Variants in C14orf93 observed in about 807,000 individuals in gnomAD.
The protein encoded by C14orf93 is uncharacterized protein C14orf93.
Under a neutral mutation model 44.0 loss-of-function variants are expected in C14orf93, and 23 were observed. The ratio of observed to expected loss-of-function variants is 0.52; its 90% CI spans 0.38 to 0.74. The LOEUF (loss-of-function observed/expected upper bound fraction) is 0.74, where lower values mean the gene tolerates loss of function less well. C14orf93 is among the 30% of genes least tolerant of loss of function. The probability of loss-of-function intolerance (pLI) is 0.00; values close to 1 mark genes in which losing one functional copy is unlikely to be tolerated. For missense variants in C14orf93, 579 were observed against 678.9 expected (o/e 0.85, Z 1.64); for synonymous variants, 253 against 265.7 (o/e 0.95, Z 0.46).
At chr14:22,995,316 C>T (rs2045901384) in intron 3 of C14orf93, among the ~76,000 whole-genome samples, 1 of 152,214 alleles carries the variant, frequency 6.6e-6, no homozygotes, top group African/African-American at 2.4e-5. Flanking sequence ...AATTTGCAGG[C>T]AATTTCCAGA....
At chr14:22,992,447 T>C (rs1335206451) in intron 3 of C14orf93, among the ~76,000 whole-genome samples, 2 of 131,904 alleles carry the variant, frequency 1.5e-5, no homozygotes, top group African/African-American at 6.0e-5. Context: ...GCCTGGGCAA[T>C]AAAGTGAGAC....
intron 2 of C14orf93, among the ~76,000 whole-genome samples, chr14:22,997,193 C>A (rs1181133417): frequency 1.3e-5 from 2 of 152,180 alleles, no homozygotes; most frequent in East Asian, 3.8e-4. Context: ...TGAGCTGGAA[C>A]CACGGAGAGT....
chr14:22,999,125 G>A lies in C14orf93; in HGVS notation c.-102C>T. The A allele has an allele frequency of 2.0e-6, 3 of 1,494,638 alleles. No homozygotes were observed. The South Asian group carries it at 4.0e-5, about 20-fold the overall frequency. 92.6% of individuals were successfully genotyped at this position (1,494,638 alleles called of 1,614,324 possible). ...TCACTTTCCTTTCTCAATGAGGATG[G>A]TCAGAGGAGCCCAGGCCCCAAGCTG... On this transcript the variant is annotated 5_prime_UTR_variant, in exon 2 of 7. Coordinates refer to ENST00000299088, the MANE Select transcript of C14orf93 (RefSeq NM_021944.4).
At chr14:23,006,399 G>C (rs2139812909) in intron 1 of C14orf93, 1 of 152,304 alleles carries the variant, frequency 6.6e-6, no homozygotes, top group African/African-American at 2.4e-5. Flanking sequence ...GTAAAAAAGA[G>C]AGCTGTAGAC....
rs1197592731 is a variant in C14orf93 at position 22,995,949 on chromosome 14, G to A, written c.917C>T (p.Ser306Phe). ...NSRRKRDLVL[S>F]KLVHNVHNHI... Reference sequence around the variant, plus strand: ...TTTATAGAAACTGAGCTCACTCACAGAGAGTACAAGATCCCGCTTGCGCCT... The same window carrying A: ...TTTATAGAAACTGAGCTCACTCACAAAGAGTACAAGATCCCGCTTGCGCCT... Residue 306 changes from serine to phenylalanine, a missense_variant and splice_region_variant, in exon 3 of 7, where the codon TCT (serine) becomes TTT (phenylalanine). By Grantham distance (155) the Ser-to-Phe change is radical (BLOSUM62 -2). Transcript: ENST00000299088. 6.3e-7 allele frequency: 1 copy of A among 1,574,950 alleles called. No homozygotes were observed. The highest frequency in any genetic ancestry group is 1.1e-5 in the South Asian group (1 of 87,228).
At chr14:22,989,680 A>G (rs1207162595) in intron 5 of C14orf93, 62 bp downstream of exon 5, 2 of 1,153,182 alleles carry the variant, frequency 1.7e-6, no homozygotes, top group Non-Finnish European at 2.6e-6. Flanking sequence ...TCTGACCAAG[A>G]AAGAGGAGTG....
chr14:22,988,221 C>T (rs949282329), intron 5 of C14orf93, among the ~76,000 whole-genome samples: 1 of 151,914 alleles, frequency 6.6e-6, no homozygotes, highest in South Asian at 2.1e-4. Flanking sequence ...ACAACCTCCG[C>T]CTCCTGGGTT....
chr14:23,003,875 TATATATATATATATATA>T (rs1566696538), intron 1 of C14orf93, among the ~76,000 whole-genome samples: 5 of 14,268 alleles, frequency 3.5e-4, no homozygotes, highest in Non-Finnish European at 5.4e-4. Flanking sequence ...TATATATATA[TATATATATATATATATA>T]TATATATTTT....
rs1468223938 is a variant in C14orf93 at position 22,990,058 on chromosome 14, G to A, written c.980+8C>T. 2.5e-6 allele frequency: 4 copies of A among 1,608,928 alleles called. No homozygotes were observed. In the East Asian group the frequency reaches 6.7e-5, roughly 27 times the overall value. ...CCTTCTAATTCTTTTTCCTCAAGGA[G>A]ACCATACCTTTCAGACCCATTGAAT... On this transcript the variant is annotated splice_region_variant and intron_variant, in intron 4 of 6. Coordinates refer to ENST00000299088, the MANE Select transcript of C14orf93 (RefSeq NM_021944.4).
Position 22,998,523 on chromosome 14 carries a change from C to T in C14orf93, c.501G>A (p.Val167=), listed in dbSNP as rs2046126717. The change falls in exon 2 of 7, where the codon GTG becomes GTA. Residue 167 remains valine, a synonymous_variant. Coordinates refer to ENST00000299088, the MANE Select transcript of C14orf93 (RefSeq NM_021944.4). The part of the protein sequence containing the change: ...EELRQLGAAS[V]GPGPLGFPAT... The stretch of plus-strand genomic sequence containing the variant: ...CTGGGAAGCCCAAAGGCCCAGGCCC[C>T]ACTGAGGCTGCTCCCAGCTGCCGCA... The T allele has an allele frequency of 6.2e-7, 1 of 1,613,902 alleles. No individual in the cohort carries two copies. The highest frequency in any genetic ancestry group is 1.3e-5 in the African/African-American group (1 of 75,034).
chr14:22,990,271 T>A, intron 3 of C14orf93, 144 bp from the exon 4 acceptor site: 1 of 657,618 alleles, frequency 1.5e-6, no homozygotes, highest in South Asian at 2.0e-5. Context: ...CAAGTTACTA[T>A]TTCTAGTGTG....
chr14:22,987,517 C>T lies in C14orf93; in HGVS notation c.1315G>A (p.Val439Met), dbSNP rs770626435. 2.5e-6 allele frequency: 4 copies of T among 1,614,136 alleles called. No individual in the cohort carries two copies. Among genetic ancestry groups the T allele is most frequent in the Non-Finnish European group, 2.5e-6 (3 of 1,180,046 alleles). ...AAACGGGGAGGGCGGGCCACCCACA[C>T]ACCTGGCTCGTTAAGACTGTCCTCT... ...DEEDSLNEPG[V>M]WVARPPRFRA... Residue 439 changes from valine to methionine, a missense_variant, in exon 7 of 7, where the codon GTG becomes ATG. Transcript: ENST00000299088. The surrounding 1 kb of genome is among the most constrained non-coding windows in gnomAD (Gnocchi z 5.6).
Position 22,987,278 on chromosome 14 carries a change from G to C in C14orf93, c.1554C>G (p.Pro518=), listed in dbSNP as rs1257893045. 1 of 1,614,212 alleles carries C rather than the reference G, an allele frequency of 6.2e-7. No homozygotes were observed. The change falls in exon 7 of 7, where the codon CCC becomes CCG. Residue 518 remains proline (P), a synonymous_variant. Transcript: ENST00000299088. The surrounding 1 kb of genome is among the most constrained non-coding windows in gnomAD (Gnocchi z 5.6). ...NAPGSPSFDQ[P]HKTCCPDLNS... Reference sequence around the variant, plus strand: ...TCAAGTCAGGACAGCAGGTTTTGTGGGGTTGGTCAAAAGATGGGGAGCCAG... The same window carrying C: ...TCAAGTCAGGACAGCAGGTTTTGTGCGGTTGGTCAAAAGATGGGGAGCCAG...
intron 1 of C14orf93, among the ~76,000 whole-genome samples, chr14:23,002,178 T>C (rs1338124901): frequency 1.4e-5 from 2 of 145,700 alleles, no homozygotes; most frequent in African/African-American, 5.1e-5. Flanking sequence ...TGGCCGGGCG[T>C]GGTAGCTCAC....
chr14:22,988,525 G>T (rs2045383085), intron 5 of C14orf93, among the ~76,000 whole-genome samples: 1 of 152,096 alleles, frequency 6.6e-6, no homozygotes, highest in African/African-American at 2.4e-5. Flanking sequence ...TTATGAGACA[G>T]GGTCTCGCTC....
chr14:22,996,977 GCACACGCACACACACACACACA>G lies in C14orf93; in HGVS notation c.598-731_598-710del, dbSNP rs149909260. ...AAATACTGAAAGTGGGGACACACACGCACACGCACACACACACACACACACACACACACAGAAAGATGCGGGG... is the reference window on the plus strand; with the variant it reads ...AAATACTGAAAGTGGGGACACACACGCACACACACACAGAAAGATGCGGGG... On this transcript the variant is annotated intron_variant, in intron 2 of 6. Coordinates refer to ENST00000299088, the MANE Select transcript of C14orf93 (RefSeq NM_021944.4). The surrounding 1 kb of genome is among the most constrained non-coding windows in gnomAD (Gnocchi z 4.1). Among the ~76,000 whole-genome samples, 56,650 of 149,224 alleles carry G rather than the reference GCACACGCACACACACACACACA, an allele frequency of 0.38. 10,781 individuals carry two copies. Among genetic ancestry groups the G allele is most frequent in the Non-Finnish European group, 0.41 (27,645 of 67,788 alleles).
Position 22,996,113 on chromosome 14 carries a change from A to G in C14orf93, c.753T>C (p.Pro251=). The G allele has an allele frequency of 6.2e-7, 1 of 1,613,908 alleles. No homozygotes were observed. Among genetic ancestry groups the G allele is most frequent in the Middle Eastern group, 1.6e-4 (1 of 6,062 alleles). ...ENGTKLPPPR[P]EDMLNAAAAL... ...CAGCAGCGGCATTGAGCATGTCCTC[A>G]GGGCGGGGTGGTGGCAGCTTGGTTC... Residue 251 remains proline (P), a synonymous_variant, in exon 3 of 7, where the codon CCT becomes CCC. Coordinates refer to ENST00000299088, the MANE Select transcript of C14orf93 (RefSeq NM_021944.4). This position sits in a 1 kb window ranked among gnomAD's most constrained non-coding sequence, Gnocchi z 4.1.
At chr14:22,991,032 A>G (rs796795936) in intron 3 of C14orf93, among the ~76,000 whole-genome samples, 1 of 149,852 alleles carries the variant, frequency 6.7e-6, no homozygotes, top group African/African-American at 2.5e-5. Context: ...GTTAGCCAGG[A>G]TGGTCACAAT....
intron 1 of C14orf93, among the ~76,000 whole-genome samples, chr14:23,003,144 T>C (rs2046395516): frequency 6.6e-6 from 1 of 152,254 alleles, no homozygotes; most frequent in Non-Finnish European, 1.5e-5. Context: ...CTCTTCTGTT[T>C]TTCTACTTTG....
Sources: gnomAD v4.1 joint callset for allele counts (sites outside exome capture counted in the v4.1 genomes callset) on GRCh38, gnomAD v4.1.1 for gene constraint, Gnocchi (gnomAD v3.1) non-coding constraint, MANE v1.5 for transcripts, NCBI Gene and HGNC (gene_info 2026-07-23, HGNC 2026-07-21) for gene names.